Variants in KNDC1 observed in about 807,000 individuals in gnomAD.
KNDC1 encodes the protein kinase non-catalytic C-lobe domain-containing protein 1.
KNDC1 carries 106 observed loss-of-function variants against 172.8 expected under a neutral mutation model. The observed-to-expected ratio is 0.61, with a 90% confidence interval of 0.52 to 0.72. The LOEUF is 0.72. Among genes scored for constraint, KNDC1 ranks in the 30% least tolerant of loss-of-function variants. The pLI, the probability that KNDC1 is intolerant of heterozygous loss-of-function variation, is 0.00. For missense variants in KNDC1, 2,325 were observed against 2,394.5 expected (o/e 0.97, Z 0.61); for synonymous variants, 1,083 against 1,062.2 (o/e 1.02, Z -0.38).
Position 133,209,054 on chromosome 10 carries a change from G to A in KNDC1, c.3795-1557G>A, listed in dbSNP as rs1337335496. 6.6e-6 allele frequency among the ~76,000 whole-genome samples: 1 copy of A among 151,028 alleles called. No individual in the cohort carries two copies. The highest frequency in any genetic ancestry group is 2.4e-5 in the African/African-American group (1 of 40,964). On this transcript the variant is annotated intron_variant, in intron 20 of 29. Coordinates refer to ENST00000304613, the MANE Select transcript of KNDC1 (RefSeq NM_152643.8). This position sits in a 1 kb window ranked among gnomAD's most constrained non-coding sequence, Gnocchi z 4.9. ...TACGTGTGCGGTTGTGAGGTATAGTGTGATGTGTGTGCATGTGTGGGGTGA... is the reference window on the plus strand; with the variant it reads ...TACGTGTGCGGTTGTGAGGTATAGTATGATGTGTGTGCATGTGTGGGGTGA...
At chr10:133,185,635 G>A (rs1853876873) in intron 5 of KNDC1, among the ~76,000 whole-genome samples, 1 of 151,728 alleles carries the variant, frequency 6.6e-6, no homozygotes, top group Non-Finnish European at 1.5e-5. Flanking sequence ...TGTAATCCTC[G>A]AGGAAAACGA....
intron 3 of KNDC1, among the ~76,000 whole-genome samples, chr10:133,182,335 G>A (rs1206931944): frequency 2.0e-5 from 3 of 152,130 alleles, no homozygotes; most frequent in African/African-American, 7.2e-5. Context: ...CCAGGACGCA[G>A]GTGCATGTCC....
At chr10:133,219,808 G>T in intron 28 of KNDC1, 147 bp from the exon 29 acceptor site, 1 of 766,528 alleles carries the variant, frequency 1.3e-6, no homozygotes, top group Non-Finnish European at 2.0e-6. Flanking sequence ...ATTCGGGACT[G>T]GAAGCTAATT....
At chr10:133,184,022 A>G in intron 5 of KNDC1, 33 bp downstream of exon 5, 5 of 768,380 alleles carry the variant, frequency 6.5e-6, no homozygotes, top group Non-Finnish European at 9.7e-6. Flanking sequence ...GTGCATCCTC[A>G]TGCACATATA....
chr10:133,204,368 T>A (rs147525606), intron 17 of KNDC1, among the ~76,000 whole-genome samples: 1 of 152,320 alleles, frequency 6.6e-6, no homozygotes, highest in Admixed American at 6.5e-5. Flanking sequence ...TCACTGCACT[T>A]TAGGCAGCCA....
At chr10:133,211,202 C>T (rs1239930037) in intron 21 of KNDC1, among the ~76,000 whole-genome samples, 5 of 151,792 alleles carry the variant, frequency 3.3e-5, no homozygotes, top group Non-Finnish European at 5.9e-5. Context: ...GGACACTCCA[C>T]GCACCCCCTT....
intron 17 of KNDC1, among the ~76,000 whole-genome samples, chr10:133,204,411 T>C (rs1251452868): frequency 1.3e-5 from 2 of 152,164 alleles, no homozygotes; most frequent in Non-Finnish European, 2.9e-5. Context: ...GGAGGCAGGG[T>C]CGCACTTGGC....
In KNDC1 at chr10:133,209,297, G is replaced by C. The variant is rs1222152237; in HGVS notation, c.3795-1314G>C. 6.6e-6 allele frequency among the ~76,000 whole-genome samples: 1 copy of C among 150,472 alleles called. No homozygotes were observed. The highest frequency in any genetic ancestry group is 1.5e-5 in the Non-Finnish European group (1 of 67,650). On this transcript the variant is annotated intron_variant, in intron 20 of 29. Coordinates refer to ENST00000304613, the MANE Select transcript of KNDC1 (RefSeq NM_152643.8). This position sits in a 1 kb window ranked among gnomAD's most constrained non-coding sequence, Gnocchi z 4.9. ...GTGTGGTGTGTGGAGTATAGTGTGT[G>C]TGGTGTGGGGTACAGTGTGTGTGTG...
chr10:133,224,282 C>T lies in KNDC1; in HGVS notation c.5019-377C>T, dbSNP rs1294470824. Among the ~76,000 whole-genome samples, 2 of 152,170 alleles carry T rather than the reference C, an allele frequency of 1.3e-5. No homozygotes were observed. Among genetic ancestry groups the T allele is most frequent in the Non-Finnish European group, 2.9e-5 (2 of 68,036 alleles). ...TTCCGGCCCTGGGCCCCGGCCGTGG[C>T]GATTCCCAGGTGTGAATGTGAACGC... On this transcript the variant is annotated intron_variant, in intron 29 of 29. Transcript: ENST00000304613. The surrounding 1 kb of genome is among the most constrained non-coding windows in gnomAD (Gnocchi z 5.4).
At chr10:133,184,749 G>T (rs1232707045) in intron 5 of KNDC1, among the ~76,000 whole-genome samples, 1 of 152,282 alleles carries the variant, frequency 6.6e-6, no homozygotes, top group Non-Finnish European at 1.5e-5. Context: ...GGTGACTCAG[G>T]CTCAGCTTCA....
intron 12 of KNDC1, 40 bp downstream of exon 12, chr10:133,197,808 G>A: frequency 7.0e-7 from 1 of 1,426,808 alleles, no homozygotes; most frequent in Non-Finnish European, 9.8e-7. Flanking sequence ...ACCAGCTCCT[G>A]CACCTGACAC....
At chr10:133,194,626 C>T (rs923649278) in intron 9 of KNDC1, among the ~76,000 whole-genome samples, 3 of 152,202 alleles carry the variant, frequency 2.0e-5, no homozygotes, top group African/African-American at 7.2e-5. Flanking sequence ...GTGGGGCTGT[C>T]TGCGTCTGCT....
intron 12 of KNDC1, 92 bp from the exon 13 acceptor site, chr10:133,198,245 G>A (rs1589759217): frequency 3.6e-6 from 5 of 1,394,410 alleles, no homozygotes; most frequent in Non-Finnish European, 4.8e-6. Flanking sequence ...CCACGCACTG[G>A]GTGGGATGAG....
In KNDC1 at chr10:133,199,576, C is replaced by A; in HGVS notation, c.2877C>A (p.Val959=). 1 of 1,613,628 alleles carries A rather than the reference C, an allele frequency of 6.2e-7. No homozygotes were observed. The highest frequency in any genetic ancestry group is 1.1e-5 in the South Asian group (1 of 91,058). The change falls in exon 15 of 30, where the codon GTC becomes GTA. Residue 959 remains valine, a synonymous_variant. Coordinates refer to ENST00000304613, the MANE Select transcript of KNDC1 (RefSeq NM_152643.8). ...TGCTGCAGAACCTCTTTAAGGTGGTCAACGGGCAGGCGTCACCCTCCCCAA... is the reference window on the plus strand; with the variant it reads ...TGCTGCAGAACCTCTTTAAGGTGGTAAACGGGCAGGCGTCACCCTCCCCAA... ...EKLLQNLFKV[V]NGQASPSPST...
chr10:133,201,511 G>A lies in KNDC1; in HGVS notation c.3000G>A (p.Lys1000=). Residue 1000 remains lysine, a synonymous_variant, in exon 17 of 30, where the codon AAG becomes AAA. Coordinates refer to ENST00000304613, the MANE Select transcript of KNDC1 (RefSeq NM_152643.8). ...TCTCTTTCTTTCAAGGAAAAGAGAA[G>A]CCAGCCATGGCCAGGACCAGCAGCA... ...RPSLHRLGKE[K]PAMARTSSRA... 1 of 1,595,424 alleles carries A rather than the reference G, an allele frequency of 6.3e-7. No homozygotes were observed. Among genetic ancestry groups the A allele is most frequent in the Non-Finnish European group, 8.5e-7 (1 of 1,173,302 alleles).
At chr10:133,167,718 TC>T (rs1176477384) in intron 2 of KNDC1, 139 bp downstream of exon 2, 3 of 968,268 alleles carry the variant, frequency 3.1e-6, no homozygotes, top group Non-Finnish European at 4.6e-6. Context: ...GACCTTCTCT[TC>T]CTTGGGAGGG....
rs1854364510 is a variant in KNDC1, at chr10:133,201,522, C to T, written c.3011C>T (p.Ala1004Val). Residue 1004 changes from alanine (A) to valine (V), a missense_variant, in exon 17 of 30, where the codon GCC becomes GTC. Transcript: ENST00000304613. Reference sequence around the variant, plus strand: ...CAAGGAAAAGAGAAGCCAGCCATGGCCAGGACCAGCAGCAGGGCCCCCTGC... The same window carrying T: ...CAAGGAAAAGAGAAGCCAGCCATGGTCAGGACCAGCAGCAGGGCCCCCTGC... Reference protein sequence around the residue: ...HRLGKEKPAMARTSSRAPCSP... With the variant: ...HRLGKEKPAMVRTSSRAPCSP... 1 of 1,606,494 alleles carries T rather than the reference C, an allele frequency of 6.2e-7. No individual in the cohort carries two copies. Among genetic ancestry groups the T allele is most frequent in the East Asian group, 2.2e-5 (1 of 44,810 alleles).
chr10:133,183,336 G>A lies in KNDC1; in HGVS notation c.361-8G>A. ...GACTCTGGAGCTGACAGCCTGTCGT[G>A]CCCACAGGCGCACATCTACTCTCTG... is the stretch of plus-strand genomic sequence containing the variant. On this transcript the variant is annotated splice_region_variant and splice_polypyrimidine_tract_variant and intron_variant, in intron 3 of 29. Transcript: ENST00000304613. 3.2e-6 allele frequency: 5 copies of A among 1,584,842 alleles called. No homozygotes were observed. Among genetic ancestry groups the A allele is most frequent in the Non-Finnish European group, 4.3e-6 (5 of 1,165,306 alleles).
At chr10:133,180,650 G>A (rs984038157) in intron 3 of KNDC1, among the ~76,000 whole-genome samples, 1 of 152,252 alleles carries the variant, frequency 6.6e-6, no homozygotes, top group African/African-American at 2.4e-5. Flanking sequence ...TGGGCACTTA[G>A]AGCTCTTGGA....
Sources: allele counts gnomAD v4.1 joint callset (sites outside exome capture counted in the v4.1 genomes callset), GRCh38; gene constraint gnomAD v4.1.1; non-coding constraint Gnocchi (gnomAD v3.1); transcripts MANE v1.5; gene names NCBI Gene and HGNC (gene_info 2026-07-23, HGNC 2026-07-21).